Variants in ACTR2 observed in about 807,000 individuals in gnomAD.
ACTR2 encodes actin related protein 2, also known as actin-related protein 2.
ACTR2 carries 5 observed loss-of-function variants against 50.2 expected under a neutral mutation model. That is an observed-to-expected ratio of 0.10 (90% confidence interval 0.05 to 0.21). The LOEUF is 0.21. ACTR2 is among the 10% of genes least tolerant of loss of function. The pLI is 1.00. For synonymous variants in ACTR2, 140 were observed against 162.9 expected, an observed-to-expected ratio of 0.86 and a Z score of 1.07; for missense variants, 180 against 480.6, an observed-to-expected ratio of 0.37 and a Z score of 5.85.
chr2:65,261,378 T>A lies in ACTR2; in HGVS notation c.867T>A (p.Ala289=). 1 of 1,613,844 alleles carries A rather than the reference T, an allele frequency of 6.2e-7. No individual in the cohort carries two copies. The highest frequency in any genetic ancestry group is 1.1e-5 in the South Asian group (1 of 91,024). The change falls in exon 7 of 9, where the codon GCT becomes GCA. Residue 289 remains alanine, a synonymous_variant. Transcript: ENST00000260641. The part of the protein sequence containing the change: ...AELLFNTIQA[A]DIDTRSEFYK... ...TGCTTTTTAACACAATTCAGGCAGC[T>A]GACATTGATACCAGGTACATTAGAA...
At chr2:65,252,737 G>A (rs1433407534) in intron 4 of ACTR2, among the ~76,000 whole-genome samples, 1 of 152,186 alleles carries the variant, frequency 6.6e-6, no homozygotes. Context: ...GAGAAGCCAA[G>A]GTGGTCAAAT....
At chr2:65,245,696 C>G (rs1671923842) in intron 2 of ACTR2, among the ~76,000 whole-genome samples, 1 of 152,056 alleles carries the variant, frequency 6.6e-6, no homozygotes, top group Non-Finnish European at 1.5e-5. Flanking sequence ...AAAAATAAGT[C>G]TAAATGCTAG....
intron 1 of ACTR2, 136 bp from the exon 2 acceptor site, chr2:65,239,716 G>T: frequency 1.6e-6 from 1 of 643,562 alleles, no homozygotes; most frequent in East Asian, 2.9e-5. Flanking sequence ...TAGATTGAGT[G>T]GCTACTTCGG....
intron 2 of ACTR2, chr2:65,242,186 A>G: frequency 1.4e-6 from 1 of 708,774 alleles, no homozygotes; most frequent in Middle Eastern, 2.5e-4. Flanking sequence ...TATTTTAAGT[A>G]CTTTGATTTT....
At chr2:65,237,439 GC>G (rs1441929864) in intron 1 of ACTR2, among the ~76,000 whole-genome samples, 11 of 151,960 alleles carry the variant, frequency 7.2e-5, no homozygotes, top group Non-Finnish European at 1.5e-4. Context: ...GGGGAATCTT[GC>G]CGTGTTGCCC....
chr2:65,255,828 T>C (rs969288423), intron 6 of ACTR2, 134 bp downstream of exon 6: 2 of 620,602 alleles, frequency 3.2e-6, no homozygotes, highest in African/African-American at 3.7e-5. Context: ...GTGTGACTTT[T>C]AATGTCTCTT....
Position 65,227,835 on chromosome 2 carries a change from G to A in ACTR2, c.-75G>A, listed in dbSNP as rs1671554998. 1 of 1,465,968 alleles carries A rather than the reference G, an allele frequency of 6.8e-7. No homozygotes were observed. The highest frequency in any genetic ancestry group is 9.1e-7 in the Non-Finnish European group (1 of 1,102,828). The allele number at this position is 1,465,968 out of a possible 1,614,324, so 90.8% of individuals were successfully genotyped here. A position where few individuals can be genotyped will look rare whatever the true frequency, so the allele number is the denominator to read the frequency against. Reference sequence around the variant, plus strand: ...CGAAGGAGGGGCCGGGAAGACGCAAGAGGAAGAAGAGAAAACGGCCGGGCG... The same window carrying A: ...CGAAGGAGGGGCCGGGAAGACGCAAAAGGAAGAAGAGAAAACGGCCGGGCG... On this transcript the variant is annotated 5_prime_UTR_variant, in exon 1 of 9. Transcript: ENST00000260641.
At position 65,228,096 on chromosome 2, in the gene ACTR2, C is replaced by G. The variant is rs543925911; in HGVS notation, c.48+139C>G. 12 of 743,200 alleles carry G rather than the reference C, an allele frequency of 1.6e-5. No homozygotes were observed. In the African/African-American group the frequency reaches 2.0e-4, roughly 13 times the overall value. 46.0% of individuals were successfully genotyped at this position (743,200 alleles called of 1,614,324 possible). A position where few individuals can be genotyped will look rare whatever the true frequency, so the allele number is the denominator to read the frequency against. Reference sequence around the variant, plus strand: ...CGCGGGGCGGTGCCTCCCACCTCCGCGGGCGTGGGAGCGAGCCGGCCGTTC... The same window carrying G: ...CGCGGGGCGGTGCCTCCCACCTCCGGGGGCGTGGGAGCGAGCCGGCCGTTC... On this transcript the variant is annotated intron_variant, in intron 1 of 8. Transcript: ENST00000260641.
intron 2 of ACTR2, among the ~76,000 whole-genome samples, chr2:65,241,157 C>G (rs2103991052): frequency 6.6e-6 from 1 of 152,140 alleles, no homozygotes. Flanking sequence ...TCCTTTCATT[C>G]TGAATGAATT....
chr2:65,254,245 G>A (rs1387419657), intron 5 of ACTR2, among the ~76,000 whole-genome samples: 1 of 152,100 alleles, frequency 6.6e-6, no homozygotes, highest in African/African-American at 2.4e-5. Flanking sequence ...CTTTGAGCAG[G>A]TATGTTTTAA....
chr2:65,229,766 A>AG (rs70943639), intron 1 of ACTR2, among the ~76,000 whole-genome samples: 17,963 of 148,870 alleles, frequency 0.12, 1,570 homozygotes, highest in Non-Finnish European at 0.19. Context: ...AAAAAAAAAA[A>AG]AAAAAGAAAA....
chr2:65,262,458 C>T (rs1228651375), intron 7 of ACTR2, among the ~76,000 whole-genome samples: 5 of 146,968 alleles, frequency 3.4e-5, no homozygotes, highest in African/African-American at 7.6e-5. Flanking sequence ...CCAGGCTGGT[C>T]TCGAACTCCT....
chr2:65,265,617 ACAT>A (rs1400426149), intron 8 of ACTR2, among the ~76,000 whole-genome samples: 1 of 152,182 alleles, frequency 6.6e-6, no homozygotes, highest in Non-Finnish European at 1.5e-5. Context: ...AGATTGAAAA[ACAT>A]CATGTCTCAA....
At chr2:65,244,106 T>G (rs565811168) in intron 2 of ACTR2, among the ~76,000 whole-genome samples, 1 of 152,332 alleles carries the variant, frequency 6.6e-6, no homozygotes, top group South Asian at 2.1e-4. Flanking sequence ...TTTCTTTCAG[T>G]TAATCCTTTA....
Position 65,255,643 on chromosome 2 carries a change from G to A in ACTR2, c.684G>A (p.Glu228=). 1 of 1,613,874 alleles carries A rather than the reference G, an allele frequency of 6.2e-7. No homozygotes were observed. Among genetic ancestry groups the A allele is most frequent in the Admixed American group, 1.7e-5 (1 of 60,012 alleles). ...EKLCYVGYNI[E]QEQKLALETT... is the part of the protein sequence containing the mutation. ...TGTGTTACGTGGGATATAATATTGAGCAAGAGCAGAAACTGGCCTTAGAAA... is the reference window on the plus strand; with the variant it reads ...TGTGTTACGTGGGATATAATATTGAACAAGAGCAGAAACTGGCCTTAGAAA... The change falls in exon 6 of 9, where the codon GAG becomes GAA. Residue 228 remains glutamate (E), a synonymous_variant. Transcript: ENST00000260641.
chr2:65,250,440 C>T (rs1231100241), intron 3 of ACTR2, among the ~76,000 whole-genome samples: 5 of 151,738 alleles, frequency 3.3e-5, no homozygotes, highest in African/African-American at 7.3e-5. Flanking sequence ...TTTGGGAGGC[C>T]GAGGTGGGTG....
At chr2:65,229,776 A>G (rs1703573103) in intron 1 of ACTR2, among the ~76,000 whole-genome samples, 1 of 151,870 alleles carries the variant, frequency 6.6e-6, no homozygotes, top group African/African-American at 2.4e-5. Flanking sequence ...AAAAAAGAAA[A>G]ACAAAACATA....
chr2:65,263,122 C>G (rs1387541322), intron 7 of ACTR2, among the ~76,000 whole-genome samples: 1 of 151,618 alleles, frequency 6.6e-6, no homozygotes, highest in Non-Finnish European at 1.5e-5. Context: ...CTCACTGCAA[C>G]CTGGGTGGAG....
rs57879528 is a variant in ACTR2, at chr2:65,255,530, A to G, written c.586-15A>G. On this transcript the variant is annotated splice_polypyrimidine_tract_variant and intron_variant, in intron 5 of 8. Coordinates refer to ENST00000260641, the MANE Select transcript of ACTR2 (RefSeq NM_005722.4). Reference sequence around the variant, plus strand: ...TCAGATGTATTATGAACTTATTGCTATTGTTTTGTACCAGCTACTTCTGTT... The same window carrying G: ...TCAGATGTATTATGAACTTATTGCTGTTGTTTTGTACCAGCTACTTCTGTT... 30 of 1,607,622 alleles carry G rather than the reference A, an allele frequency of 1.9e-5. No homozygotes were observed. Among genetic ancestry groups the G allele is most frequent in the South Asian group, 4.4e-5 (4 of 90,276 alleles).
Sources: allele counts gnomAD v4.1 joint callset (sites outside exome capture counted in the v4.1 genomes callset), GRCh38; gene constraint gnomAD v4.1.1; transcripts MANE v1.5; gene names NCBI Gene and HGNC (gene_info 2026-07-23, HGNC 2026-07-21).